Variants in FHIT observed in about 807,000 individuals in gnomAD.
FHIT encodes bis(5'-adenosyl)-triphosphatase.
In FHIT, 19 loss-of-function variants were observed where a neutral mutation model predicts 17.9. The observed-to-expected ratio is 1.06, with a 90% confidence interval of 0.74 to 1.56. The LOEUF (loss-of-function observed/expected upper bound fraction) is 1.56. Among genes scored for constraint, FHIT ranks in the 40% most tolerant of loss-of-function variants. The pLI, the probability that FHIT is intolerant of heterozygous loss-of-function variation, is 0.00. For missense variants in FHIT, 248 were observed against 189.2 expected, an observed-to-expected ratio of 1.31 and a Z score of -1.82; for synonymous variants, 81 against 69.7, an observed-to-expected ratio of 1.16 and a Z score of -0.81.
chr3:60,377,860 G>A (rs1352481276), intron 5 of FHIT, among the ~76,000 whole-genome samples: 3 of 152,144 alleles, frequency 2.0e-5, no homozygotes, highest in Non-Finnish European at 4.4e-5. Context: ...AGGACACAGG[G>A]TTTAGGGAGG....
chr3:61,248,516 G>T (rs1012869631), intron 1 of FHIT, among the ~76,000 whole-genome samples: 4 of 152,166 alleles, frequency 2.6e-5, no homozygotes, highest in Non-Finnish European at 4.4e-5. Flanking sequence ...CAACTTGATA[G>T]ATTTCTGAGA....
chr3:60,664,603 C>T (rs1553691990), intron 4 of FHIT, among the ~76,000 whole-genome samples: 1 of 151,238 alleles, frequency 6.6e-6, no homozygotes, highest in Non-Finnish European at 1.5e-5. Context: ...ACAATGTAGT[C>T]CTAGAGATTT....
chr3:59,986,130 C>G (rs3821482), intron 7 of FHIT, among the ~76,000 whole-genome samples: 78,137 of 151,814 alleles, frequency 0.51, 21,503 homozygotes, highest in South Asian at 0.65. Flanking sequence ...GCGGTTCACA[C>G]TTTATGGCTG....
intron 5 of FHIT, among the ~76,000 whole-genome samples, chr3:60,517,051 T>A (rs2035186020): frequency 2.0e-5 from 3 of 152,178 alleles, no homozygotes. Flanking sequence ...TTAATGTAAT[T>A]TCTGTTGCAT....
At chr3:60,081,048 G>C (rs940185467) in intron 5 of FHIT, among the ~76,000 whole-genome samples, 5 of 152,090 alleles carry the variant, frequency 3.3e-5, no homozygotes, top group African/African-American at 9.7e-5. Context: ...TAGAGACCAG[G>C]CAAGAGAAAG....
chr3:60,722,822 A>C (rs534444505), intron 4 of FHIT, among the ~76,000 whole-genome samples: 1 of 149,554 alleles, frequency 6.7e-6, no homozygotes, highest in Non-Finnish European at 1.5e-5. Context: ...TCCAGGATTC[A>C]AATGATTCTC....
intron 4 of FHIT, chr3:60,690,109 A>G: frequency 3.1e-6 from 1 of 321,528 alleles, no homozygotes; most frequent in East Asian, 6.6e-5. Context: ...CCCAAAGGGA[A>G]CTGCAGTGAA....
At chr3:60,360,258 G>A (rs1699851690) in intron 5 of FHIT, among the ~76,000 whole-genome samples, 1 of 151,802 alleles carries the variant, frequency 6.6e-6, no homozygotes, top group Non-Finnish European at 1.5e-5. Context: ...TTGAGATGGA[G>A]TCTCACTCTG....
intron 4 of FHIT, among the ~76,000 whole-genome samples, chr3:60,810,749 C>G (rs1559740427): frequency 6.6e-6 from 1 of 152,170 alleles, no homozygotes; most frequent in Admixed American, 6.6e-5. Context: ...TTAAAGTTCT[C>G]TGGATGTTGT....
chr3:60,719,933 C>T (rs2041772446), intron 4 of FHIT, among the ~76,000 whole-genome samples: 1 of 152,162 alleles, frequency 6.6e-6, no homozygotes, highest in Admixed American at 6.5e-5. Context: ...TACAATGCAT[C>T]TCCTCTTGCT....
intron 5 of FHIT, among the ~76,000 whole-genome samples, chr3:60,154,611 G>A (rs1700600874): frequency 6.6e-6 from 1 of 152,126 alleles, no homozygotes; most frequent in Admixed American, 6.5e-5. Flanking sequence ...AATAACCTGT[G>A]ATGCCTCATT....
chr3:60,355,478 A>G (rs981629858), intron 5 of FHIT, among the ~76,000 whole-genome samples: 8 of 144,232 alleles, frequency 5.5e-5, no homozygotes, highest in African/African-American at 1.4e-4. Context: ...TTTATTTGAG[A>G]AAAAAAAAAG....
intron 8 of FHIT, among the ~76,000 whole-genome samples, chr3:59,857,416 A>T (rs1200160026): frequency 1.3e-5 from 2 of 151,930 alleles, no homozygotes; most frequent in Non-Finnish European, 2.9e-5. Flanking sequence ...ACTCTCTACC[A>T]CGTTCCTGAC....
intron 5 of FHIT, among the ~76,000 whole-genome samples, chr3:60,299,817 G>A (rs926378972): frequency 6.6e-6 from 1 of 152,052 alleles, no homozygotes; most frequent in Non-Finnish European, 1.5e-5. Flanking sequence ...CTCCCACTTG[G>A]CCTTTGCTGT....
At chr3:60,822,834 C>T (rs1322725923) in intron 3 of FHIT, among the ~76,000 whole-genome samples, 2 of 152,158 alleles carry the variant, frequency 1.3e-5, no homozygotes, top group East Asian at 3.9e-4. Context: ...CCTTGCTGCT[C>T]ATAAATCACT....
At chr3:60,138,584 C>T (rs569576298) in intron 5 of FHIT, among the ~76,000 whole-genome samples, 2 of 152,238 alleles carry the variant, frequency 1.3e-5, no homozygotes, top group African/African-American at 4.8e-5. Context: ...CTTCTCATTG[C>T]ATCCTCATGA....
chr3:60,120,890 C>T (rs77646852), intron 5 of FHIT, among the ~76,000 whole-genome samples: 1,819 of 151,880 alleles, frequency 0.012, 23 homozygotes, highest in Non-Finnish European at 0.018. Context: ...AACAACTTTA[C>T]ACTGTTATCA....
At chr3:60,271,824 A>G (rs765795197) in intron 5 of FHIT, among the ~76,000 whole-genome samples, 2 of 152,200 alleles carry the variant, frequency 1.3e-5, no homozygotes, top group Non-Finnish European at 2.9e-5. Context: ...AACATCTGTG[A>G]ATGTATAAAA....
chr3:60,370,322 A>G (rs770052840), intron 5 of FHIT, among the ~76,000 whole-genome samples: 1 of 152,162 alleles, frequency 6.6e-6, no homozygotes, highest in South Asian at 2.1e-4. Flanking sequence ...TTTTCAATAC[A>G]CTTTCAGCTA....
Sources: gnomAD v4.1 joint callset for allele counts (sites outside exome capture counted in the v4.1 genomes callset) on GRCh38, gnomAD v4.1.1 for gene constraint, MANE v1.5 for transcripts, NCBI Gene and HGNC (gene_info 2026-07-23, HGNC 2026-07-21) for gene names.